OTOGL: variants seen among roughly 807,000 people sequenced by gnomAD.
The protein encoded by OTOGL is otogelin-like protein.
OTOGL carries 285 observed loss-of-function variants against 318.5 expected under a neutral mutation model. That is an observed-to-expected ratio of 0.89 (90% CI 0.81 to 0.99). The LOEUF is 0.99. Ranked by LOEUF, OTOGL falls within the 50% of genes least tolerant of loss-of-function variation. OTOGL has a pLI of 0.00. For missense variants in OTOGL, 2,899 were observed against 2,845.6 expected, an observed-to-expected ratio of 1.02 and a Z score of -0.43; for synonymous variants, 987 against 936.5, an observed-to-expected ratio of 1.05 and a Z score of -0.99.
chr12:80,156,776 C>T (rs1412247450), intron 1 of OTOGL, among the ~76,000 whole-genome samples: 1 of 152,114 alleles, frequency 6.6e-6, no homozygotes, highest in Non-Finnish European at 1.5e-5. Flanking sequence ...GTCCAATAAA[C>T]CTCTTTTTTT....
At chr12:80,318,971 A>T (rs552053183) in intron 33 of OTOGL, among the ~76,000 whole-genome samples, 2 of 149,656 alleles carry the variant, frequency 1.3e-5, no homozygotes, top group South Asian at 2.1e-4. Flanking sequence ...AATATAGCTA[A>T]AATTTTCATA....
At position 80,217,732 on chromosome 12, in the gene OTOGL, C is replaced by A; in HGVS notation, c.235+68C>A. The A allele has an allele frequency of 2.5e-6, 3 of 1,194,862 alleles. No individual in the cohort carries two copies. The South Asian group carries it at 4.2e-5, about 17-fold the overall frequency. The allele number at this position is 1,194,862 out of a possible 1,614,324, so 74.0% of individuals were successfully genotyped here. On this transcript the variant is annotated intron_variant, in intron 5 of 58. Coordinates refer to ENST00000547103, the MANE Select transcript of OTOGL (RefSeq NM_001378609.3). ...AATCCCTTTGGGGGATATATTGAATCAAGTATTTATTGTTTCCGTATACCA... is the reference window on the plus strand; with the variant it reads ...AATCCCTTTGGGGGATATATTGAATAAAGTATTTATTGTTTCCGTATACCA...
At position 80,375,006 on chromosome 12, in the gene OTOGL, T is replaced by G. The variant is rs79097452; in HGVS notation, c.6782-2117T>G. ...AATAAATTTAGGCCTGTCCAGTATC[T>G]GGGCCCAGGATCTTTCAACTCTGCT... is the stretch of plus-strand genomic sequence containing the variant. On this transcript the variant is annotated intron_variant, in intron 57 of 58. Coordinates refer to ENST00000547103, the MANE Select transcript of OTOGL (RefSeq NM_001378609.3). Among the ~76,000 whole-genome samples, 1,375 of 152,250 alleles carry G rather than the reference T, an allele frequency of 9.0e-3. 12 individuals carry two copies. Among genetic ancestry groups the G allele is most frequent in the African/African-American group, 0.027 (1,142 of 41,550 alleles).
intron 1 of OTOGL, among the ~76,000 whole-genome samples, chr12:80,195,670 A>G (rs545304492): frequency 6.6e-6 from 1 of 152,166 alleles, no homozygotes; most frequent in Non-Finnish European, 1.5e-5. Context: ...TTAGATTTTG[A>G]TATAGACAAT....
At chr12:80,254,978 C>T (rs1025178826) in intron 15 of OTOGL, 62 bp from the exon 16 acceptor site, 3 of 1,300,170 alleles carry the variant, frequency 2.3e-6, no homozygotes, top group Non-Finnish European at 3.0e-6. Flanking sequence ...TCATCCTCCT[C>T]TCTCTCCTCC....
chr12:80,375,814 TA>T (rs1411042161), intron 57 of OTOGL, among the ~76,000 whole-genome samples: 1 of 151,946 alleles, frequency 6.6e-6, no homozygotes, highest in African/African-American at 2.4e-5. Context: ...GCTAAGGAAA[TA>T]ATCACTGAGT....
intron 26 of OTOGL, among the ~76,000 whole-genome samples, chr12:80,288,390 C>T (rs568070249): frequency 1.4e-4 from 22 of 152,220 alleles, no homozygotes; most frequent in Admixed American, 3.9e-4. Context: ...GGTTACTCTT[C>T]TCGAAGAGTA....
At chr12:80,265,261 C>T in intron 20 of OTOGL, 51 bp downstream of exon 20, 2 of 1,502,244 alleles carry the variant, frequency 1.3e-6, no homozygotes, top group Non-Finnish European at 1.8e-6. Flanking sequence ...TTAGAGACCT[C>T]TATGTTTGTA....
intron 46 of OTOGL, among the ~76,000 whole-genome samples, chr12:80,354,499 G>A (rs1055131695): frequency 5.9e-5 from 9 of 152,170 alleles, no homozygotes; most frequent in African/African-American, 2.2e-4. Flanking sequence ...TTATTTTGAT[G>A]CATTGTCTCC....
chr12:80,347,723 A>G (rs1485484539), intron 44 of OTOGL, among the ~76,000 whole-genome samples: 1 of 151,984 alleles, frequency 6.6e-6, no homozygotes, highest in African/African-American at 2.4e-5. Context: ...TATTGAACTA[A>G]TTTACACTCC....
chr12:80,103,582 A>G (rs970743188), intron 1 of OTOGL, among the ~76,000 whole-genome samples: 41 of 152,212 alleles, frequency 2.7e-4, no homozygotes, highest in Non-Finnish European at 5.1e-4. Context: ...TTTAAAATGT[A>G]ATTGAATAAT....
chr12:80,142,589 C>A (rs930343500), intron 1 of OTOGL, among the ~76,000 whole-genome samples: 8 of 152,146 alleles, frequency 5.3e-5, no homozygotes, highest in Non-Finnish European at 1.2e-4. Context: ...ATTCCTTCAC[C>A]ACTATCCCAA....
chr12:80,366,478 A>G (rs938270183), intron 52 of OTOGL, 96 bp from the exon 53 acceptor site: 23 of 227,732 alleles, frequency 1.0e-4, no homozygotes, highest in East Asian at 4.7e-4. Context: ...GTGTGTGTGT[A>G]TATATATATA....
chr12:80,277,823 G>A (rs1487742487), intron 24 of OTOGL, among the ~76,000 whole-genome samples: 1 of 151,408 alleles, frequency 6.6e-6, no homozygotes, highest in East Asian at 1.9e-4. Flanking sequence ...TTAAGTAGCA[G>A]ATATTGAAGA....
At chr12:80,198,584 AAAT>A (rs201298326) in intron 1 of OTOGL, among the ~76,000 whole-genome samples, 6 of 151,458 alleles carry the variant, frequency 4.0e-5, no homozygotes, top group East Asian at 3.9e-4. Flanking sequence ...CTCCATCTCC[AAAT>A]AATAATAATA....
At chr12:80,337,412 A>G (rs1044135865) in intron 42 of OTOGL, among the ~76,000 whole-genome samples, 2 of 152,148 alleles carry the variant, frequency 1.3e-5, no homozygotes, top group Non-Finnish European at 2.9e-5. Flanking sequence ...AACAGATAGA[A>G]GGAGTGGGTT....
At chr12:80,149,324 C>CAGTG (rs1485092775) in intron 1 of OTOGL, among the ~76,000 whole-genome samples, 4 of 151,494 alleles carry the variant, frequency 2.6e-5, no homozygotes, top group Non-Finnish European at 4.4e-5. Context: ...TGTGAGGTGT[C>CAGTG]AGTGTGCCCC....
At chr12:80,299,000 A>T (rs1480356329) in intron 27 of OTOGL, among the ~76,000 whole-genome samples, 1 of 152,230 alleles carries the variant, frequency 6.6e-6, no homozygotes, top group Non-Finnish European at 1.5e-5. Context: ...GTCTCCAAAC[A>T]TTCATTAAAA....
chr12:80,207,559 G>A (rs1019795039), intron 1 of OTOGL, among the ~76,000 whole-genome samples: 4 of 152,062 alleles, frequency 2.6e-5, no homozygotes, highest in African/African-American at 9.7e-5. Context: ...ACTAGATTAG[G>A]AAAAATAATC....
Sources: gnomAD v4.1 joint callset for allele counts (sites outside exome capture counted in the v4.1 genomes callset) on GRCh38, gnomAD v4.1.1 for gene constraint, MANE v1.5 for transcripts, NCBI Gene and HGNC (gene_info 2026-07-23, HGNC 2026-07-21) for gene names.